MAP3K5: variants seen among roughly 807,000 people sequenced by gnomAD.
MAP3K5 encodes the protein ASK-1.
MAP3K5 carries 56 observed loss-of-function variants against 158.7 expected under a neutral mutation model. The ratio of observed to expected loss-of-function variants is 0.35; its 90% CI spans 0.28 to 0.44. The LOEUF is 0.44. MAP3K5 is among the 20% of genes least tolerant of loss of function. The pLI, the probability that MAP3K5 is intolerant of heterozygous loss-of-function variation, is 1.00. For missense variants in MAP3K5, 1,294 were observed against 1,674.8 expected (o/e 0.77, Z 3.97); for synonymous variants, 579 against 601.7 (o/e 0.96, Z 0.55).
chr6:136,637,149 A>G (rs973169800), intron 14 of MAP3K5, 176 bp downstream of exon 14: 9 of 1,392,516 alleles, frequency 6.5e-6, no homozygotes, highest in African/African-American at 5.8e-5. Flanking sequence ...GAATTCTCCA[A>G]TGTTTACTTT....
intron 1 of MAP3K5, among the ~76,000 whole-genome samples, chr6:136,756,506 T>C (rs527962089): frequency 2.9e-3 from 439 of 152,242 alleles, no homozygotes; most frequent in Non-Finnish European, 5.0e-3. Flanking sequence ...TGGAGTGCAG[T>C]GGCGCAATCT....
At chr6:136,749,850 G>A (rs1783121775) in intron 1 of MAP3K5, among the ~76,000 whole-genome samples, 1 of 152,154 alleles carries the variant, frequency 6.6e-6, no homozygotes, top group Non-Finnish European at 1.5e-5. Flanking sequence ...ACCTGGGGCA[G>A]GCTGTGCTTT....
chr6:136,581,590 C>T lies in MAP3K5; in HGVS notation c.3412-1184G>A, dbSNP rs570406969. Among the ~76,000 whole-genome samples the T allele has an allele frequency of 6.6e-5, 10 of 152,306 alleles. No individual in the cohort carries two copies. In the South Asian group the frequency reaches 2.1e-3, roughly 32 times the overall value. On this transcript the variant is annotated intron_variant, in intron 24 of 29. Coordinates refer to ENST00000359015, the MANE Select transcript of MAP3K5 (RefSeq NM_005923.4). ...GGGGAGATGGTGACCCAGCCACAAACCCATGTCAAGAGCTGGAGCTCCAGT... is the reference window on the plus strand; with the variant it reads ...GGGGAGATGGTGACCCAGCCACAAATCCATGTCAAGAGCTGGAGCTCCAGT...
In MAP3K5 at chr6:136,561,394, C is replaced by T. The variant is rs549511329; in HGVS notation, c.3987+139G>A. 3 of 601,354 alleles carry T rather than the reference C, an allele frequency of 5.0e-6. No homozygotes were observed. In the African/African-American group the frequency reaches 5.6e-5, roughly 11 times the overall value. The allele number at this position is 601,354 out of a possible 1,614,324, so 37.3% of individuals were successfully genotyped here. On this transcript the variant is annotated intron_variant, in intron 28 of 29. Coordinates refer to ENST00000359015, the MANE Select transcript of MAP3K5 (RefSeq NM_005923.4). ...GAGTTAGCTGATTATCACGTGCCTA[C>T]CCTGGTCTGTAAGCCTCAGGAGGGC... is the stretch of plus-strand genomic sequence containing the variant.
chr6:136,560,195 T>C (rs1357788701), intron 28 of MAP3K5, among the ~76,000 whole-genome samples: 4 of 152,140 alleles, frequency 2.6e-5, no homozygotes, highest in Non-Finnish European at 4.4e-5. Flanking sequence ...CAAAAGTCTA[T>C]AGGGGCTGGG....
chr6:136,621,180 C>G (rs375066947), intron 15 of MAP3K5, among the ~76,000 whole-genome samples: 2 of 151,702 alleles, frequency 1.3e-5, no homozygotes, highest in Non-Finnish European at 2.9e-5. Flanking sequence ...TGATATATTC[C>G]GAAACTCAGA....
At chr6:136,724,096 A>G (rs1290318034) in intron 1 of MAP3K5, among the ~76,000 whole-genome samples, 1 of 152,206 alleles carries the variant, frequency 6.6e-6, no homozygotes, top group Non-Finnish European at 1.5e-5. Context: ...ACACTTACTG[A>G]TGAAAAATAA....
intron 3 of MAP3K5, among the ~76,000 whole-genome samples, chr6:136,699,185 AC>A (rs956951846): frequency 3.3e-5 from 5 of 152,128 alleles, no homozygotes; most frequent in Admixed American, 3.3e-4. Context: ...CCCAGAAGTT[AC>A]CCTTGATGCT....
At chr6:136,701,699 GAAC>G (rs540828277) in intron 3 of MAP3K5, among the ~76,000 whole-genome samples, 106 of 152,196 alleles carry the variant, frequency 7.0e-4, no homozygotes, top group African/African-American at 2.5e-3. Flanking sequence ...TGTTCTAAAA[GAAC>G]AACAGAATCA....
chr6:136,737,372 T>A (rs1204075498), intron 1 of MAP3K5, among the ~76,000 whole-genome samples: 2 of 151,854 alleles, frequency 1.3e-5, no homozygotes, highest in Non-Finnish European at 2.9e-5. Context: ...CCTGCACATG[T>A]ATCCTCTGAA....
intron 1 of MAP3K5, among the ~76,000 whole-genome samples, chr6:136,747,081 C>G (rs777214833): frequency 6.6e-6 from 1 of 152,144 alleles, no homozygotes; most frequent in Non-Finnish European, 1.5e-5. Flanking sequence ...GCCACCATGT[C>G]TAGCTAATTT....
At chr6:136,572,029 C>T (rs558720704) in intron 25 of MAP3K5, among the ~76,000 whole-genome samples, 21 of 152,162 alleles carry the variant, frequency 1.4e-4, no homozygotes, top group Non-Finnish European at 2.9e-4. Context: ...ATGTGTTTTA[C>T]TTTTGTAAAC....
At position 136,759,454 on chromosome 6, in the gene MAP3K5, C is replaced by CTATATATATATATATATATATATA. The variant is rs570186848; in HGVS notation, c.448+32232_448+32255dup. Among the ~76,000 whole-genome samples the CTATATATATATATATATATATATA allele has an allele frequency of 3.1e-3, 308 of 98,020 alleles. 12 individuals carry two copies. The highest frequency in any genetic ancestry group is 5.2e-3 in the Middle Eastern group (1 of 192). 64.3% of individuals were successfully genotyped at this position (98,020 alleles called of 152,430 possible). A position where few individuals can be genotyped will look rare whatever the true frequency, so the allele number is the denominator to read the frequency against. On this transcript the variant is annotated intron_variant, in intron 1 of 29. Transcript: ENST00000359015. Reference sequence around the variant, plus strand: ...TCCTAAAATAACCTTTATACTAAAACTATATATATATATATATATATATAT... The same window carrying CTATATATATATATATATATATATA: ...TCCTAAAATAACCTTTATACTAAAACTATATATATATATATATATATATATATATATATATATATATATATATAT...
At chr6:136,642,963 G>A (rs964089600) in intron 11 of MAP3K5, among the ~76,000 whole-genome samples, 4 of 151,854 alleles carry the variant, frequency 2.6e-5, no homozygotes, top group Non-Finnish European at 5.9e-5. Context: ...ATAACATCTC[G>A]GCAAGGTTTT....
At chr6:136,768,683 G>A (rs1330311735) in intron 1 of MAP3K5, among the ~76,000 whole-genome samples, 1 of 152,124 alleles carries the variant, frequency 6.6e-6, no homozygotes, top group Non-Finnish European at 1.5e-5. Flanking sequence ...GGAGGCCAAG[G>A]TGGGTGTATC....
Position 136,592,528 on chromosome 6 carries a change from T to C in MAP3K5, c.2965A>G (p.Thr989Ala). Residue 989 changes from threonine to alanine, a missense_variant, in exon 22 of 30, where the codon ACG (threonine) becomes GCG (alanine). Physicochemically the swap from Thr to Ala is moderately conservative, Grantham distance 58. Transcript: ENST00000359015. Reference sequence around the variant, plus strand: ...GAGAAGGGGTCCACTTTCAACTCCGTGTCGGGTGAAACTGAGCCGTACTCA... The same window carrying C: ...GAGAAGGGGTCCACTTTCAACTCCGCGTCGGGTGAAACTGAGCCGTACTCA... ...SSEYGSVSPD[T>A]ELKVDPFSFK... 1.2e-6 allele frequency: 2 copies of C among 1,613,948 alleles called. No individual in the cohort carries two copies. Among genetic ancestry groups the C allele is most frequent in the Non-Finnish European group, 8.5e-7 (1 of 1,179,968 alleles).
chr6:136,642,490 A>G, intron 12 of MAP3K5, 30 bp downstream of exon 12: 2 of 1,535,006 alleles, frequency 1.3e-6, no homozygotes, highest in Non-Finnish European at 1.8e-6. Context: ...AATGTCTTAT[A>G]AGTTAACAAA....
intron 1 of MAP3K5, among the ~76,000 whole-genome samples, chr6:136,746,837 A>G (rs1299560705): frequency 6.6e-6 from 1 of 152,212 alleles, no homozygotes; most frequent in Non-Finnish European, 1.5e-5. Context: ...TTTGCTACAT[A>G]CAGTTGAAAG....
chr6:136,638,198 A>G (rs1035778509), intron 13 of MAP3K5, among the ~76,000 whole-genome samples: 22 of 152,050 alleles, frequency 1.4e-4, no homozygotes, highest in Non-Finnish European at 2.6e-4. Context: ...TTTAACCAAG[A>G]GGAAGAATAA....
Sources: gnomAD v4.1 joint callset for allele counts (sites outside exome capture counted in the v4.1 genomes callset) on GRCh38, gnomAD v4.1.1 for gene constraint, MANE v1.5 for transcripts, NCBI Gene and HGNC (gene_info 2026-07-23, HGNC 2026-07-21) for gene names.